Variants in TTC7A observed in about 807,000 individuals in gnomAD.
TTC7A encodes the protein tetratricopeptide repeat protein 7A.
TTC7A carries 110 observed loss-of-function variants against 103.7 expected under a neutral mutation model. The observed-to-expected ratio is 1.06, with a 90% CI of 0.91 to 1.24. The LOEUF is 1.24. Among genes scored for constraint, TTC7A ranks in the 50% most tolerant of loss-of-function variants. TTC7A has a pLI of 0.00. For missense variants in TTC7A, 1,340 were observed against 1,116.3 expected (o/e 1.20, Z -2.86); for synonymous variants, 521 against 467.9 (o/e 1.11, Z -1.47).
intron 3 of TTC7A, among the ~76,000 whole-genome samples, chr2:46,965,229 T>G (rs6544944): frequency 0.69 from 104,543 of 152,206 alleles, 36,273 homozygotes; most frequent in East Asian, 0.75. Context: ...GTGTGGCTGA[T>G]TAAAACTTTT....
At chr2:47,048,567 T>C (rs1047235324) in intron 16 of TTC7A, among the ~76,000 whole-genome samples, 6 of 152,232 alleles carry the variant, frequency 3.9e-5, no homozygotes, top group Non-Finnish European at 5.9e-5. Flanking sequence ...AGGTGGCCCA[T>C]GATTCCAGCC....
intron 3 of TTC7A, among the ~76,000 whole-genome samples, chr2:46,970,948 C>A (rs1489010854): frequency 6.6e-6 from 1 of 152,244 alleles, no homozygotes; most frequent in Non-Finnish European, 1.5e-5. Flanking sequence ...GATCTGGTCA[C>A]ACCCCAGCCT....
intron 1 of TTC7A, among the ~76,000 whole-genome samples, chr2:46,947,203 T>C (rs1671017233): frequency 6.6e-6 from 1 of 152,200 alleles, no homozygotes; most frequent in African/African-American, 2.4e-5. Context: ...TATGTTTTAT[T>C]ATTGTTACTG....
chr2:46,984,336 C>A (rs1391830710), intron 5 of TTC7A, among the ~76,000 whole-genome samples: 1 of 152,216 alleles, frequency 6.6e-6, no homozygotes, highest in Admixed American at 6.5e-5. Context: ...CCCTCACCAT[C>A]TGGAGGAAGT....
intron 14 of TTC7A, among the ~76,000 whole-genome samples, chr2:47,025,146 G>A (rs1467616138): frequency 6.6e-6 from 1 of 152,222 alleles, no homozygotes; most frequent in Non-Finnish European, 1.5e-5. Flanking sequence ...GAAATGGGCT[G>A]AGCTCCAGGC....
At chr2:46,985,004 T>A (rs568908030) in intron 5 of TTC7A, among the ~76,000 whole-genome samples, 21 of 152,270 alleles carry the variant, frequency 1.4e-4, no homozygotes, top group African/African-American at 5.1e-4. Context: ...GGATGTCTCC[T>A]TGCAGGTGGT....
chr2:47,055,152 G>A (rs775427408), intron 18 of TTC7A, among the ~76,000 whole-genome samples: 4 of 152,066 alleles, frequency 2.6e-5, no homozygotes, highest in South Asian at 2.1e-4. Context: ...GCATCCCCCC[G>A]CCAAACCCTG....
intron 11 of TTC7A, among the ~76,000 whole-genome samples, chr2:47,013,267 C>T (rs10196745): frequency 0.032 from 4,864 of 152,228 alleles, 281 homozygotes; most frequent in African/African-American, 0.11. Flanking sequence ...ATCAGGGAAC[C>T]CTTGGTTCCC....
At chr2:47,047,200 G>C in intron 16 of TTC7A, 2 of 873,164 alleles carry the variant, frequency 2.3e-6, no homozygotes, top group Non-Finnish European at 3.6e-6. Context: ...CTTTGGGATA[G>C]CTGGCTGTGT....
chr2:47,011,863 G>A (rs537606183), intron 11 of TTC7A, among the ~76,000 whole-genome samples: 2 of 152,234 alleles, frequency 1.3e-5, no homozygotes, highest in African/African-American at 4.8e-5. Flanking sequence ...TGGGAAGTTG[G>A]TCTTTTCTGT....
At chr2:46,960,100 G>C (rs1459690644) in intron 3 of TTC7A, among the ~76,000 whole-genome samples, 1 of 152,208 alleles carries the variant, frequency 6.6e-6, no homozygotes, top group Non-Finnish European at 1.5e-5. Context: ...AGACTGACCA[G>C]GTCCAGCCAG....
chr2:47,027,875 T>C (rs1419621131), intron 14 of TTC7A, among the ~76,000 whole-genome samples: 1 of 152,202 alleles, frequency 6.6e-6, no homozygotes, highest in Non-Finnish European at 1.5e-5. Flanking sequence ...TGGCAGCCTC[T>C]TTTGAAGAAG....
chr2:47,049,880 T>A, intron 16 of TTC7A, 69 bp from the exon 17 acceptor site: 1 of 1,191,560 alleles, frequency 8.4e-7, no homozygotes, highest in Non-Finnish European at 1.2e-6. Context: ...ATGCTGGCCC[T>A]CTACCTCACT....
intron 11 of TTC7A, among the ~76,000 whole-genome samples, chr2:47,012,707 C>T (rs1472274884): frequency 6.6e-6 from 1 of 152,206 alleles, no homozygotes; most frequent in Admixed American, 6.5e-5. Context: ...CATCCCTCTG[C>T]TGGGTCCCCG....
At chr2:47,026,241 G>A (rs1026345142) in intron 14 of TTC7A, among the ~76,000 whole-genome samples, 1 of 152,200 alleles carries the variant, frequency 6.6e-6, no homozygotes. Context: ...GCACAGTGAT[G>A]GCTGTGGATT....
At chr2:47,044,650 A>G (rs1421157222) in intron 15 of TTC7A, among the ~76,000 whole-genome samples, 1 of 152,320 alleles carries the variant, frequency 6.6e-6, no homozygotes, top group East Asian at 1.9e-4. Context: ...CAGGCTTGGG[A>G]TGGATGAAAA....
At position 46,999,369 on chromosome 2, in the gene TTC7A, A is replaced by G. The variant is rs1676557494; in HGVS notation, c.1065+4170A>G. On this transcript the variant is annotated intron_variant, in intron 8 of 19. Coordinates refer to ENST00000319190, the MANE Select transcript of TTC7A (RefSeq NM_020458.4). ...CCACCTATCATTCATCCATCCACCCATCATTCCATCCATCCCCCATTCATC... is the reference window on the plus strand; with the variant it reads ...CCACCTATCATTCATCCATCCACCCGTCATTCCATCCATCCCCCATTCATC... 3 of 322,412 alleles carry G rather than the reference A, an allele frequency of 9.3e-6. No homozygotes were observed. The Admixed American group carries it at 1.9e-4, about 21-fold the overall frequency. 20.0% of individuals were successfully genotyped at this position (322,412 alleles called of 1,614,324 possible). A position where few individuals can be genotyped will look rare whatever the true frequency, so the allele number is the denominator to read the frequency against.
intron 4 of TTC7A, among the ~76,000 whole-genome samples, chr2:46,978,553 C>G (rs1674103424): frequency 1.7e-5 from 1 of 59,890 alleles, no homozygotes; most frequent in Non-Finnish European, 4.2e-5. Context: ...ATAGTAAGAC[C>G]CTGTTTCTTA....
chr2:47,053,655 T>G (rs958974490), intron 18 of TTC7A, among the ~76,000 whole-genome samples: 5 of 152,142 alleles, frequency 3.3e-5, no homozygotes, highest in Non-Finnish European at 7.3e-5. Flanking sequence ...CACTGCAACC[T>G]CCACCTCCCA....
Sources: allele counts gnomAD v4.1 joint callset (sites outside exome capture counted in the v4.1 genomes callset), GRCh38; gene constraint gnomAD v4.1.1; transcripts MANE v1.5; gene names NCBI Gene and HGNC (gene_info 2026-07-23, HGNC 2026-07-21).